Variants in ZNF462 observed in about 807,000 individuals in gnomAD.
ZNF462 encodes zinc finger PBX1-interacting protein.
ZNF462 carries 10 observed loss-of-function variants against 201.9 expected under a neutral mutation model. The ratio of observed to expected loss-of-function variants is 0.05; its 90% CI spans 0.03 to 0.08. The LOEUF (loss-of-function observed/expected upper bound fraction) is 0.08. Among genes scored for constraint, ZNF462 ranks in the 10% least tolerant of loss-of-function variants. ZNF462 has a pLI of 1.00. For missense variants in ZNF462, 2,523 were observed against 3,168.3 expected (o/e 0.80, Z 4.89); for synonymous variants, 1,227 against 1,193.3 (o/e 1.03, Z -0.58).
rs946575725 is a variant in ZNF462, at chr9:106,954,315, A to AG, written c.6427+15215dup. Among the ~76,000 whole-genome samples the AG allele has an allele frequency of 9.9e-5, 15 of 152,124 alleles. No homozygotes were observed. The South Asian group carries it at 1.2e-3, about 13-fold the overall frequency. Reference sequence around the variant, plus strand: ...GGTGGCAGGAGAGAGAAAGAGAGTGAGGGGGGGATGTGCCATACTTCTAAA... The same window carrying AG: ...GGTGGCAGGAGAGAGAAAGAGAGTGAGGGGGGGGATGTGCCATACTTCTAAA... On this transcript the variant is annotated intron_variant, in intron 7 of 12. Transcript: ENST00000277225. The surrounding 1 kb of genome is among the most constrained non-coding windows in gnomAD (Gnocchi z 4.0).
rs1444350178 is a variant in ZNF462, at chr9:107,003,911, C to A, written c.7189+485C>A. On this transcript the variant is annotated intron_variant, in intron 11 of 12. Coordinates refer to ENST00000277225, the MANE Select transcript of ZNF462 (RefSeq NM_021224.6). The surrounding 1 kb of genome is among the most constrained non-coding windows in gnomAD (Gnocchi z 4.4). Reference sequence around the variant, plus strand: ...CCCTCTGCGTGGCCCTTTTCTTAACCCCCTTTGTGCTCTGACTTGCTTTGT... The same window carrying A: ...CCCTCTGCGTGGCCCTTTTCTTAACACCCTTTGTGCTCTGACTTGCTTTGT... Among the ~76,000 whole-genome samples the A allele has an allele frequency of 6.6e-6, 1 of 152,058 alleles. No individual in the cohort carries two copies. The highest frequency in any genetic ancestry group is 2.4e-5 in the African/African-American group (1 of 41,430).
chr9:106,892,692 GCACACA>G (rs897679641), intron 1 of ZNF462, among the ~76,000 whole-genome samples: 3 of 139,968 alleles, frequency 2.1e-5, no homozygotes, highest in Non-Finnish European at 4.5e-5. Context: ...ACACACACAT[GCACACA>G]CACACGCACA....
At chr9:106,992,791 CATT>C (rs1828385247) in intron 10 of ZNF462, among the ~76,000 whole-genome samples, 1 of 152,040 alleles carries the variant, frequency 6.6e-6, no homozygotes, top group African/African-American at 2.4e-5. Flanking sequence ...TCTTAAACAT[CATT>C]GAGTTGTTTA....
At position 106,993,382 on chromosome 9, in the gene ZNF462, A is replaced by G. The variant is rs1828437842; in HGVS notation, c.7056+8973A>G. ...GTTTATCCTCAGAAGCCAGAGTGCA[A>G]AAGGGATAACCATCAGAACCCTCAT... On this transcript the variant is annotated intron_variant, in intron 10 of 12. Coordinates refer to ENST00000277225, the MANE Select transcript of ZNF462 (RefSeq NM_021224.6). This position sits in a 1 kb window ranked among gnomAD's most constrained non-coding sequence, Gnocchi z 4.0. 6.6e-6 allele frequency among the ~76,000 whole-genome samples: 1 copy of G among 152,240 alleles called. No individual in the cohort carries two copies. The highest frequency in any genetic ancestry group is 2.1e-4 in the South Asian group (1 of 4,824).
At chr9:106,898,666 C>T (rs1381448647) in intron 1 of ZNF462, among the ~76,000 whole-genome samples, 1 of 151,974 alleles carries the variant, frequency 6.6e-6, no homozygotes, top group East Asian at 1.9e-4. Context: ...ATTGGTGGTG[C>T]TGGGGGAGGA....
In ZNF462 at chr9:107,009,379, A is replaced by C; in HGVS notation, c.7190-166A>C. On this transcript the variant is annotated intron_variant, in intron 11 of 12. Transcript: ENST00000277225. This position sits in a 1 kb window ranked among gnomAD's most constrained non-coding sequence, Gnocchi z 6.1. ...AACAGTTCTCGAATGCTATTCAAGG[A>C]ATGCCCTAAGGGGGAAACCTAAGAA... 1 of 863,598 alleles carries C rather than the reference A, an allele frequency of 1.2e-6. No homozygotes were observed. The allele number at this position is 863,598 out of a possible 1,614,324, so 53.5% of individuals were successfully genotyped here.
At chr9:106,941,725 C>A (rs1830878664) in intron 7 of ZNF462, among the ~76,000 whole-genome samples, 1 of 152,182 alleles carries the variant, frequency 6.6e-6, no homozygotes, top group Admixed American at 6.5e-5. Context: ...ATGAATAATT[C>A]TGTGGAAAGA....
At chr9:106,860,671 T>G (rs995703320), upstream of ZNF462, among the ~76,000 whole-genome samples, 2 of 152,210 alleles carry the variant, frequency 1.3e-5, no homozygotes, top group Admixed American at 6.5e-5. The surrounding 1 kb of genome is among the most constrained non-coding windows in gnomAD (Gnocchi z 7.1). Flanking sequence ...AAAAGTCAGC[T>G]TTTTATTAAA....
rs930710587 is a variant in ZNF462, at chr9:106,974,174, G to T, written c.6733G>T (p.Ala2245Ser). Residue 2245 changes from alanine (A) to serine (S), a missense_variant, in exon 9 of 13, where the codon GCA becomes TCA. Ala to Ser is a moderately conservative substitution (Grantham distance 99). Around this residue, in one of 15 missense-constraint regions of ZNF462, gnomAD observed 228 missense variants for 361.2 expected, o/e 0.63. Coordinates refer to ENST00000277225, the MANE Select transcript of ZNF462 (RefSeq NM_021224.6). This position sits in a 1 kb window ranked among gnomAD's most constrained non-coding sequence, Gnocchi z 4.0. ...FTMHVEAGHS[A>S]VPEEGPKDLR... ...TATGCACGTGGAAGCTGGGCACTCA[G>T]CAGTTCCCGAGGAGGGCCCCAAAGA... 6.2e-7 allele frequency: 1 copy of T among 1,614,044 alleles called. No homozygotes were observed. Among genetic ancestry groups the T allele is most frequent in the Admixed American group, 1.7e-5 (1 of 60,000 alleles).
Position 106,883,191 on chromosome 9 carries a change from C to T in ZNF462, c.-31+19836C>T, listed in dbSNP as rs1461619979. Among the ~76,000 whole-genome samples, 1 of 152,208 alleles carries T rather than the reference C, an allele frequency of 6.6e-6. No homozygotes were observed. Among genetic ancestry groups the T allele is most frequent in the Non-Finnish European group, 1.5e-5 (1 of 68,046 alleles). On this transcript the variant is annotated intron_variant, in intron 1 of 12. Coordinates refer to ENST00000277225, the MANE Select transcript of ZNF462 (RefSeq NM_021224.6). The surrounding 1 kb of genome is among the most constrained non-coding windows in gnomAD (Gnocchi z 4.9). ...TGAAGGACATATTCTGAAGAGCCAG[C>T]TCATTAAGCAAGCTTTTGAAGGGTG... is the stretch of plus-strand genomic sequence containing the variant.
chr9:106,863,624 G>C (rs1468848744), intron 1 of ZNF462, among the ~76,000 whole-genome samples: 2 of 151,898 alleles, frequency 1.3e-5, no homozygotes, highest in Non-Finnish European at 2.9e-5. Flanking sequence ...AGGAAGAGGA[G>C]GAGAAGGTGG....
At position 106,919,343 on chromosome 9, in the gene ZNF462, T is replaced by C. The variant is rs759084118; in HGVS notation, c.-30-4011T>C. On this transcript the variant is annotated intron_variant, in intron 1 of 12. Coordinates refer to ENST00000277225, the MANE Select transcript of ZNF462 (RefSeq NM_021224.6). This position sits in a 1 kb window ranked among gnomAD's most constrained non-coding sequence, Gnocchi z 4.5. ...GTTGGAAGGATGGACGATGAAGCTG[T>C]GGTTTGTCTCCTTCCTCCTTCACAG... 1.3e-5 allele frequency among the ~76,000 whole-genome samples: 2 copies of C among 152,214 alleles called. No homozygotes were observed. The highest frequency in any genetic ancestry group is 2.9e-5 in the Non-Finnish European group (2 of 68,038).
In ZNF462 at chr9:106,950,392, G is replaced by C. The variant is rs966838548; in HGVS notation, c.6427+11285G>C. Among the ~76,000 whole-genome samples, 1 of 152,184 alleles carries C rather than the reference G, an allele frequency of 6.6e-6. No homozygotes were observed. Among genetic ancestry groups the C allele is most frequent in the Non-Finnish European group, 1.5e-5 (1 of 68,036 alleles). ...CCCAAACTAAATGGAGTGAGCAGCT[G>C]TGTGGTTAGTAGCTGTGGCAATCAC... On this transcript the variant is annotated intron_variant, in intron 7 of 12. Coordinates refer to ENST00000277225, the MANE Select transcript of ZNF462 (RefSeq NM_021224.6). This position sits in a 1 kb window ranked among gnomAD's most constrained non-coding sequence, Gnocchi z 4.1.
chr9:106,887,342 C>T (rs1261809952), intron 1 of ZNF462, among the ~76,000 whole-genome samples: 3 of 152,150 alleles, frequency 2.0e-5, no homozygotes, highest in Non-Finnish European at 4.4e-5. Context: ...CTACATCCTC[C>T]TAGGCCATCT....
Position 107,011,219 on chromosome 9 carries a change from G to T in ZNF462, c.*189G>T. 2 of 572,688 alleles carry T rather than the reference G, an allele frequency of 3.5e-6. No homozygotes were observed. The highest frequency in any genetic ancestry group is 3.1e-6 in the Non-Finnish European group (1 of 322,648). The allele number at this position is 572,688 out of a possible 1,614,324, so 35.5% of individuals were successfully genotyped here. On this transcript the variant is annotated 3_prime_UTR_variant, in exon 13 of 13. Transcript: ENST00000277225. This position sits in a 1 kb window ranked among gnomAD's most constrained non-coding sequence, Gnocchi z 5.6. ...TATGTAAATTAAAGTTATTTAAATG[G>T]TTGGAATATGTGGCTCCTTTTCCAT... is the stretch of plus-strand genomic sequence containing the variant.
chr9:107,007,054 T>C (rs1829599498), intron 11 of ZNF462, among the ~76,000 whole-genome samples: 1 of 152,190 alleles, frequency 6.6e-6, no homozygotes. Context: ...GAGGATACTT[T>C]TGACAGAAAG....
intron 1 of ZNF462, among the ~76,000 whole-genome samples, chr9:106,900,502 A>C (rs1367355452): frequency 6.6e-6 from 1 of 152,182 alleles, no homozygotes; most frequent in East Asian, 1.9e-4. Context: ...TTTAGTTCCC[A>C]CCAGCAGTGT....
At chr9:106,937,617 C>T (rs996560414) in intron 6 of ZNF462, among the ~76,000 whole-genome samples, 9 of 152,086 alleles carry the variant, frequency 5.9e-5, no homozygotes, top group East Asian at 1.9e-4. Flanking sequence ...GTTATCTAAA[C>T]GCCACTGTTG....
chr9:106,899,557 C>G (rs1367613897), intron 1 of ZNF462, among the ~76,000 whole-genome samples: 3 of 152,124 alleles, frequency 2.0e-5, no homozygotes, highest in Non-Finnish European at 2.9e-5. Context: ...CAGTTAGACA[C>G]AGTGAGCAAT....
Sources: allele counts gnomAD v4.1 joint callset (sites outside exome capture counted in the v4.1 genomes callset), GRCh38; gene constraint gnomAD v4.1.1; regional missense constraint gnomAD v4.1.1; non-coding constraint Gnocchi (gnomAD v3.1); transcripts MANE v1.5; gene names NCBI Gene and HGNC (gene_info 2026-07-23, HGNC 2026-07-21).